The following DGKI variants were observed in gnomAD, a reference collection of about 807,000 sequenced individuals.
DGKI encodes diacylglycerol kinase iota, also known as DAG kinase iota.
DGKI carries 55 observed loss-of-function variants against 147.5 expected under a neutral mutation model. The ratio of observed to expected loss-of-function variants is 0.37; its 90% CI spans 0.30 to 0.47. DGKI has a LOEUF of 0.47. DGKI is among the 20% of genes least tolerant of loss of function. The probability of loss-of-function intolerance (pLI) is 1.00; values close to 1 mark genes in which losing one functional copy is unlikely to be tolerated. For synonymous variants in DGKI, 469 were observed against 477.1 expected, an observed-to-expected ratio of 0.98 and a Z score of 0.22; for missense variants, 1,007 against 1,323.8, an observed-to-expected ratio of 0.76 and a Z score of 3.71.
rs754355969 is a variant in DGKI at position 137,678,667 on chromosome 7, C to T, written c.511-15G>A. 1.4e-5 allele frequency: 23 copies of T among 1,611,166 alleles called. No individual in the cohort carries two copies. The East Asian group carries it at 4.5e-4, about 31-fold the overall frequency. Reference sequence around the variant, plus strand: ...ACGGCATTCTCCTGCAAGGAAAAGACCCACCTGACATCAATTTTTTTTTTC... The same window carrying T: ...ACGGCATTCTCCTGCAAGGAAAAGATCCACCTGACATCAATTTTTTTTTTC... On this transcript the variant is annotated splice_polypyrimidine_tract_variant and intron_variant, in intron 2 of 32. Transcript: ENST00000614521.
At chr7:137,557,896 T>G (rs1052509458) in intron 19 of DGKI, among the ~76,000 whole-genome samples, 6 of 152,194 alleles carry the variant, frequency 3.9e-5, no homozygotes, top group African/African-American at 1.4e-4. Flanking sequence ...CTGAGCTCCT[T>G]GATGCTAATA....
At chr7:137,557,192 T>G (rs779444119) in intron 19 of DGKI, among the ~76,000 whole-genome samples, 24 of 152,210 alleles carry the variant, frequency 1.6e-4, no homozygotes, top group Non-Finnish European at 2.2e-4. Flanking sequence ...ACACTCCCTT[T>G]TGTTCTGTTT....
intron 7 of DGKI, among the ~76,000 whole-genome samples, chr7:137,621,239 AC>A (rs1276115440): frequency 2.0e-5 from 3 of 152,236 alleles, no homozygotes; most frequent in Non-Finnish European, 4.4e-5. Flanking sequence ...AATATTATTA[AC>A]ATTTGAATAC....
chr7:137,748,332 A>G (rs1270244372), intron 1 of DGKI, among the ~76,000 whole-genome samples: 1 of 152,092 alleles, frequency 6.6e-6, no homozygotes. Context: ...TATGTATATA[A>G]ACACATCTAT....
At chr7:137,718,231 T>C (rs1794440502) in intron 1 of DGKI, among the ~76,000 whole-genome samples, 1 of 152,178 alleles carries the variant, frequency 6.6e-6, no homozygotes, top group Non-Finnish European at 1.5e-5. Flanking sequence ...CCCTAGGCAG[T>C]AATATTATTG....
intron 12 of DGKI, among the ~76,000 whole-genome samples, chr7:137,590,783 C>G (rs2128985346): frequency 6.6e-6 from 1 of 152,276 alleles, no homozygotes; most frequent in Middle Eastern, 3.4e-3. Flanking sequence ...GCGTCTACCT[C>G]GTGGGCTCAA....
chr7:137,400,905 G>C (rs1016335140), intron 30 of DGKI, among the ~76,000 whole-genome samples: 6 of 152,232 alleles, frequency 3.9e-5, no homozygotes, highest in Admixed American at 2.6e-4. Flanking sequence ...GTAGCAGCCA[G>C]CTGACTACAG....
At chr7:137,751,558 T>G (rs73152525) in intron 1 of DGKI, among the ~76,000 whole-genome samples, 2 of 152,232 alleles carry the variant, frequency 1.3e-5, no homozygotes, top group Non-Finnish European at 2.9e-5. Flanking sequence ...TGCTTGAGTA[T>G]AGATAATGAC....
At chr7:137,649,845 A>C (rs2129010067) in intron 5 of DGKI, among the ~76,000 whole-genome samples, 1 of 151,118 alleles carries the variant, frequency 6.6e-6, no homozygotes, top group Non-Finnish European at 1.5e-5. Context: ...GTTATGGCTT[A>C]TGACTAAGAA....
chr7:137,815,433 G>GA (rs889219510), intron 1 of DGKI, among the ~76,000 whole-genome samples: 14 of 98,104 alleles, frequency 1.4e-4, no homozygotes, highest in South Asian at 9.7e-4. Context: ...TTTTGAAATA[G>GA]AAAAAACAAC....
intron 1 of DGKI, among the ~76,000 whole-genome samples, chr7:137,801,577 G>A (rs1443825610): frequency 6.6e-6 from 1 of 152,112 alleles, no homozygotes; most frequent in Admixed American, 6.6e-5. Flanking sequence ...TAATAATTCG[G>A]AGTGACCTGA....
chr7:137,791,013 A>C (rs1796836065), intron 1 of DGKI, among the ~76,000 whole-genome samples: 1 of 152,144 alleles, frequency 6.6e-6, no homozygotes, highest in Non-Finnish European at 1.5e-5. Flanking sequence ...CTGTAGAAGG[A>C]GCTGTGAGCA....
intron 1 of DGKI, among the ~76,000 whole-genome samples, chr7:137,759,657 T>C (rs1795796702): frequency 1.3e-5 from 2 of 152,110 alleles, no homozygotes; most frequent in Non-Finnish European, 2.9e-5. Flanking sequence ...ACATTCTTAT[T>C]GATAGAGATT....
intron 21 of DGKI, among the ~76,000 whole-genome samples, chr7:137,494,099 AT>A (rs1815873575): frequency 6.6e-6 from 1 of 152,222 alleles, no homozygotes; most frequent in Non-Finnish European, 1.5e-5. Flanking sequence ...GTCCTCCAGA[AT>A]AACTCAGACA....
intron 3 of DGKI, among the ~76,000 whole-genome samples, chr7:137,663,140 C>A (rs1054182925): frequency 3.3e-5 from 5 of 152,306 alleles, no homozygotes; most frequent in Admixed American, 6.5e-5. Flanking sequence ...ATTCAGTCCA[C>A]CAATTATTTT....
intron 23 of DGKI, among the ~76,000 whole-genome samples, chr7:137,473,673 T>C (rs1026791313): frequency 1.3e-5 from 2 of 152,178 alleles, no homozygotes; most frequent in Non-Finnish European, 2.9e-5. Context: ...AGCTTGTGGC[T>C]ATTCTCCTAG....
intron 1 of DGKI, among the ~76,000 whole-genome samples, chr7:137,793,404 G>A (rs1235442877): frequency 5.9e-5 from 9 of 151,772 alleles, no homozygotes; most frequent in East Asian, 1.9e-4. Flanking sequence ...GGGTTCAAGC[G>A]AGTCTCCTGC....
intron 28 of DGKI, among the ~76,000 whole-genome samples, chr7:137,443,821 G>T (rs1292642862): frequency 6.6e-6 from 1 of 152,150 alleles, no homozygotes; most frequent in Non-Finnish European, 1.5e-5. Context: ...CTGCTGATGG[G>T]ACTGAAATCA....
chr7:137,741,233 G>C (rs1795164335), intron 1 of DGKI, among the ~76,000 whole-genome samples: 1 of 151,958 alleles, frequency 6.6e-6, no homozygotes, highest in African/African-American at 2.4e-5. Context: ...ATTTTAATTA[G>C]TAAAAGATAA....
Sources: gnomAD v4.1 joint callset for allele counts (sites outside exome capture counted in the v4.1 genomes callset) on GRCh38, gnomAD v4.1.1 for gene constraint, MANE v1.5 for transcripts, NCBI Gene and HGNC (gene_info 2026-07-23, HGNC 2026-07-21) for gene names.